ERC1: variants seen among roughly 807,000 people sequenced by gnomAD.
ERC1 encodes the protein RAB6 interacting protein 2.
ERC1 carries 56 observed loss-of-function variants against 132.0 expected under a neutral mutation model. That is an observed-to-expected ratio of 0.42 (90% confidence interval 0.34 to 0.53). The LOEUF is 0.53. ERC1 is among the 20% of genes least tolerant of loss of function. The pLI, the probability that ERC1 is intolerant of heterozygous loss-of-function variation, is 0.03. For missense variants in ERC1, 1,202 were observed against 1,349.9 expected (o/e 0.89, Z 1.72); for synonymous variants, 478 against 476.1 (o/e 1.00, Z -0.05).
At chr12:1,213,911 A>G (rs1958124458) in intron 12 of ERC1, among the ~76,000 whole-genome samples, 1 of 152,126 alleles carries the variant, frequency 6.6e-6, no homozygotes, top group Non-Finnish European at 1.5e-5. Context: ...TCCAAAAAAA[A>G]AGAAAAAAAA....
At chr12:1,024,656 C>A (rs1244860086) in intron 1 of ERC1, among the ~76,000 whole-genome samples, 1 of 151,718 alleles carries the variant, frequency 6.6e-6, no homozygotes, top group African/African-American at 2.4e-5. Context: ...TGTTACTTGA[C>A]CTAAGCCAAT....
chr12:1,348,783 G>A (rs1342911031), intron 15 of ERC1, among the ~76,000 whole-genome samples: 1 of 152,022 alleles, frequency 6.6e-6, no homozygotes, highest in Admixed American at 6.5e-5. Flanking sequence ...TAAAATACAC[G>A]GGTCACCGGA....
chr12:1,470,277 G>C (rs1238923680), intron 18 of ERC1, among the ~76,000 whole-genome samples: 1 of 151,980 alleles, frequency 6.6e-6, no homozygotes, highest in South Asian at 2.1e-4. Context: ...CACTGTGGCT[G>C]GGGGGAAACT....
intron 14 of ERC1, among the ~76,000 whole-genome samples, chr12:1,274,630 T>C (rs1055669610): frequency 3.9e-5 from 6 of 152,114 alleles, no homozygotes; most frequent in Non-Finnish European, 7.4e-5. Context: ...GTAGCTGGGA[T>C]TACAGGCATG....
At chr12:1,409,754 G>A (rs1046079352) in intron 17 of ERC1, among the ~76,000 whole-genome samples, 3 of 152,138 alleles carry the variant, frequency 2.0e-5, no homozygotes, top group African/African-American at 7.2e-5. Context: ...CGTTGCCCAG[G>A]CTGGAGTGCA....
At chr12:1,426,935 G>C (rs189227657) in intron 17 of ERC1, among the ~76,000 whole-genome samples, 17 of 152,116 alleles carry the variant, frequency 1.1e-4, no homozygotes, top group Non-Finnish European at 4.4e-5. Context: ...CAAAACAGCT[G>C]TGTCTGCCCT....
rs558609023 is a variant in ERC1 at position 1,369,453 on chromosome 12, G to T, written c.2781-2380G>T. ...AGGTGCTGGTATTTCAATCTAATTA[G>T]GTAGAGTAACTTATCTGTCATTCAC... is the stretch of plus-strand genomic sequence containing the variant. On this transcript the variant is annotated intron_variant, in intron 15 of 18. Transcript: ENST00000360905. 1.2e-4 allele frequency among the ~76,000 whole-genome samples: 18 copies of T among 152,324 alleles called. 1 individual carries two copies. Among genetic ancestry groups the T allele is most frequent in the African/African-American group, 4.3e-4 (18 of 41,566 alleles).
intron 18 of ERC1, among the ~76,000 whole-genome samples, chr12:1,450,956 T>C (rs902042449): frequency 6.6e-6 from 1 of 152,236 alleles, no homozygotes; most frequent in African/African-American, 2.4e-5. Context: ...TGTTTTTTCT[T>C]TGGAGAAATA....
intron 13 of ERC1, among the ~76,000 whole-genome samples, chr12:1,251,412 A>G (rs2076463647): frequency 6.6e-6 from 1 of 152,148 alleles, no homozygotes; most frequent in Non-Finnish European, 1.5e-5. Context: ...TTAGTAAAAC[A>G]GGGCTTTTTC....
At chr12:1,434,966 A>G (rs1217383740) in intron 17 of ERC1, among the ~76,000 whole-genome samples, 1 of 152,214 alleles carries the variant, frequency 6.6e-6, no homozygotes, top group Non-Finnish European at 1.5e-5. Context: ...GAATAATTCA[A>G]TCACTGCATG....
chr12:1,041,626 T>C (rs995251638), intron 2 of ERC1, among the ~76,000 whole-genome samples: 1 of 152,216 alleles, frequency 6.6e-6, no homozygotes, highest in African/African-American at 2.4e-5. Context: ...TTAGCTGAGA[T>C]CTCTGTTACT....
chr12:1,094,863 A>G (rs1208838544), intron 3 of ERC1, among the ~76,000 whole-genome samples: 1 of 152,186 alleles, frequency 6.6e-6, no homozygotes, highest in Non-Finnish European at 1.5e-5. Flanking sequence ...AAGTGGTAAC[A>G]GTTCTTTCCA....
chr12:1,201,639 C>T (rs951118497), intron 12 of ERC1, among the ~76,000 whole-genome samples: 2 of 152,104 alleles, frequency 1.3e-5, no homozygotes, highest in East Asian at 3.8e-4. Flanking sequence ...GCATCTGTTG[C>T]ATAGTGTAAC....
At chr12:1,458,097 C>T (rs975244682) in intron 18 of ERC1, among the ~76,000 whole-genome samples, 5 of 152,128 alleles carry the variant, frequency 3.3e-5, no homozygotes, top group African/African-American at 1.2e-4. Flanking sequence ...GGATCATGCC[C>T]TGGGCATTTG....
intron 8 of ERC1, among the ~76,000 whole-genome samples, chr12:1,175,199 A>G (rs2154267722): frequency 6.6e-6 from 1 of 152,172 alleles, no homozygotes; most frequent in East Asian, 1.9e-4. Context: ...GTAGTTGCTG[A>G]AGGTTGGGGT....
intron 13 of ERC1, among the ~76,000 whole-genome samples, chr12:1,247,193 C>T (rs760477835): frequency 7.8e-4 from 118 of 151,228 alleles, no homozygotes; most frequent in Non-Finnish European, 1.6e-3. Context: ...TGCGCCACTG[C>T]GCTTCAGCCT....
At chr12:1,327,044 T>A (rs2154356178) in intron 15 of ERC1, among the ~76,000 whole-genome samples, 1 of 152,352 alleles carries the variant, frequency 6.6e-6, no homozygotes, top group East Asian at 1.9e-4. Flanking sequence ...GGATTTTAAA[T>A]TTAACTCTTT....
At chr12:1,017,779 G>A (rs1288889555) in intron 1 of ERC1, among the ~76,000 whole-genome samples, 3 of 152,134 alleles carry the variant, frequency 2.0e-5, no homozygotes, top group Non-Finnish European at 4.4e-5. Context: ...GATTACAGGC[G>A]TGAGCCACCA....
intron 15 of ERC1, among the ~76,000 whole-genome samples, chr12:1,360,689 C>G (rs1307160936): frequency 6.6e-6 from 1 of 152,056 alleles, no homozygotes; most frequent in African/African-American, 2.4e-5. Flanking sequence ...TGTAACTTCC[C>G]AAAATTAATT....
Sources: allele counts gnomAD v4.1 joint callset (sites outside exome capture counted in the v4.1 genomes callset), GRCh38; gene constraint gnomAD v4.1.1; transcripts MANE v1.5; gene names NCBI Gene and HGNC (gene_info 2026-07-23, HGNC 2026-07-21).